DMD: variants seen among roughly 807,000 people sequenced by gnomAD.
The protein encoded by DMD is dystrophin, also known as mutant dystrophin.
DMD carries 63 observed loss-of-function variants against 330.1 expected under a neutral mutation model. That is an observed-to-expected ratio of 0.19 (90% CI 0.16 to 0.24). The LOEUF (loss-of-function observed/expected upper bound fraction) is 0.24, where lower values mean the gene tolerates loss of function less well. Among genes scored for constraint, DMD ranks in the 10% least tolerant of loss-of-function variants. The pLI is 1.00. For synonymous variants in DMD, 1,223 were observed against 959.8 expected (o/e 1.27, Z -5.07); for missense variants, 3,344 against 2,684.1 (o/e 1.25, Z -5.43).
At chrX:31,810,559 C>G (rs897773292) in intron 50 of DMD, among the ~76,000 whole-genome samples, 1 of 111,807 alleles carries the variant, frequency 8.9e-6, no homozygotes, top group Non-Finnish European at 1.9e-5. Context: ...TTGGCAGTTA[C>G]GCTTCTAAGA....
At chrX:31,943,278 A>G (rs951459634) in intron 45 of DMD, among the ~76,000 whole-genome samples, 2 of 112,259 alleles carry the variant, frequency 1.8e-5, no homozygotes, top group African/African-American at 6.5e-5. Context: ...GAGAGTTCTG[A>G]TATAAGAAAA....
intron 44 of DMD, among the ~76,000 whole-genome samples, chrX:32,070,869 T>C (rs1021248967): frequency 9.0e-6 from 1 of 111,132 alleles, no homozygotes; most frequent in Non-Finnish European, 1.9e-5. Flanking sequence ...TGGTGCAGTG[T>C]ATACTACTCG....
chrX:32,516,875 T>C (rs894455947), intron 18 of DMD: 9 of 112,045 alleles, frequency 8.0e-5, no homozygotes, highest in African/African-American at 2.9e-4. Context: ...TAGAATAGTC[T>C]ATTATAATGC....
At chrX:31,466,958 C>T (rs2149194189) in intron 59 of DMD, among the ~76,000 whole-genome samples, 1 of 111,658 alleles carries the variant, frequency 9.0e-6, no homozygotes, top group South Asian at 3.8e-4. Flanking sequence ...TGATTTGGCA[C>T]TCTCTTTGTC....
chrX:31,229,965 T>C (rs750908399), intron 63 of DMD, among the ~76,000 whole-genome samples: 3 of 112,250 alleles, frequency 2.7e-5, no homozygotes, highest in East Asian at 2.8e-4. Context: ...CCAGTCTGTC[T>C]TGAAAGCAAA....
chrX:32,300,745 T>G (rs767586115), intron 42 of DMD, among the ~76,000 whole-genome samples: 1 of 111,129 alleles, frequency 9.0e-6, no homozygotes, highest in Non-Finnish European at 1.9e-5. Flanking sequence ...CCAAATTTCT[T>G]AGAGTCAGGA....
chrX:32,928,862 G>A (rs1046516060), intron 2 of DMD, among the ~76,000 whole-genome samples: 10 of 111,698 alleles, frequency 9.0e-5, no homozygotes, highest in Admixed American at 6.7e-4. Flanking sequence ...TAATGAAAAC[G>A]GTGAATAAAC....
intron 59 of DMD, among the ~76,000 whole-genome samples, chrX:31,477,332 A>G (rs1427373485): frequency 8.9e-6 from 1 of 111,831 alleles, no homozygotes; most frequent in Non-Finnish European, 1.9e-5. Context: ...GGAAGAGGAC[A>G]ACTTCTAGAA....
intron 47 of DMD, among the ~76,000 whole-genome samples, chrX:31,888,537 T>G (rs1483571877): frequency 7.1e-5 from 8 of 112,021 alleles, no homozygotes; most frequent in Non-Finnish European, 1.1e-4. Flanking sequence ...TTGGATAAAA[T>G]GCACGTAGTA....
chrX:31,620,992 T>A (rs750786114), intron 55 of DMD, among the ~76,000 whole-genome samples: 1 of 111,855 alleles, frequency 8.9e-6, no homozygotes, highest in African/African-American at 3.2e-5. Flanking sequence ...TTAACCCAGA[T>A]CTTTTTCCAA....
intron 7 of DMD, among the ~76,000 whole-genome samples, chrX:32,735,326 A>C (rs1199712864): frequency 9.9e-5 from 11 of 110,636 alleles, no homozygotes; most frequent in African/African-American, 3.0e-4. Context: ...ATATCGTGAA[A>C]ATGGCCATAC....
At chrX:32,338,717 G>C (rs1569558703) in intron 41 of DMD, among the ~76,000 whole-genome samples, 1 of 111,054 alleles carries the variant, frequency 9.0e-6, no homozygotes, top group African/African-American at 3.3e-5. Context: ...CTTGGGGGTT[G>C]TAGTGGTATC....
In DMD at chrX:31,371,064, GGA is replaced by G. The variant is rs1275521012; in HGVS notation, c.9085-22432_9085-22431del. ...TGGGTGTGGCTATAAAAGGCCAATA[GGA>G]GGGATCTTTGTAGTGATGAAAATGT... On this transcript the variant is annotated intron_variant, in intron 60 of 78. Transcript: ENST00000357033. 4.4e-3 allele frequency among the ~76,000 whole-genome samples: 495 copies of G among 111,610 alleles called. 3 individuals are homozygous for G. The highest frequency in any genetic ancestry group is 7.2e-3 in the Non-Finnish European group (382 of 53,125).
At position 31,359,228 on chromosome X, in the gene DMD, C is replaced by T. The variant is rs2058815018; in HGVS notation, c.9085-10594G>A. Among the ~76,000 whole-genome samples the T allele has an allele frequency of 2.7e-5, 3 of 112,026 alleles. No homozygotes were observed. In the Admixed American group the frequency reaches 2.8e-4, roughly 11 times the overall value. ...ATTTTAATGTAGTGCAGTCATTCCC[C>T]AATTTGACAGTGTATCACAACTATT... On this transcript the variant is annotated intron_variant, in intron 60 of 78. Coordinates refer to ENST00000357033, the MANE Select transcript of DMD (RefSeq NM_004006.3).
intron 4 of DMD, among the ~76,000 whole-genome samples, chrX:32,827,663 T>C (rs911621799): frequency 3.5e-4 from 34 of 96,746 alleles, no homozygotes; most frequent in African/African-American, 1.2e-3. Flanking sequence ...AACTCCCCTT[T>C]TTTTTTTTTT....
chrX:32,630,730 G>A (rs946531112), intron 11 of DMD, among the ~76,000 whole-genome samples: 3 of 111,303 alleles, frequency 2.7e-5, no homozygotes, highest in Non-Finnish European at 5.7e-5. Flanking sequence ...TTCCTTCTCT[G>A]TACTATCTTG....
intron 44 of DMD, among the ~76,000 whole-genome samples, chrX:32,104,796 G>C (rs2096557002): frequency 9.0e-6 from 1 of 111,261 alleles, no homozygotes; most frequent in Admixed American, 9.7e-5. Context: ...ATATAGGTGA[G>C]TTGTATGGAA....
intron 17 of DMD, among the ~76,000 whole-genome samples, chrX:32,539,463 C>T (rs1482706619): frequency 9.1e-6 from 1 of 110,383 alleles, no homozygotes; most frequent in Non-Finnish European, 1.9e-5. Context: ...GCAAAAGTGT[C>T]ATTACTGAGT....
chrX:31,348,863 T>C (rs1446095433), intron 60 of DMD, among the ~76,000 whole-genome samples: 1 of 111,902 alleles, frequency 8.9e-6, no homozygotes. Context: ...AATGTTAAAA[T>C]GAGATTTTGG....
Sources: allele counts gnomAD v4.1 joint callset (sites outside exome capture counted in the v4.1 genomes callset), GRCh38; gene constraint gnomAD v4.1.1; transcripts MANE v1.5; gene names NCBI Gene and HGNC (gene_info 2026-07-23, HGNC 2026-07-21).